PTPRT: variants seen among roughly 807,000 people sequenced by gnomAD.
PTPRT encodes the protein receptor-type tyrosine-protein phosphatase T.
In PTPRT, 56 loss-of-function variants were observed where a neutral mutation model predicts 176.8. That is an observed-to-expected ratio of 0.32 (90% CI 0.26 to 0.40). The LOEUF (loss-of-function observed/expected upper bound fraction) is 0.40. Ranked by LOEUF, PTPRT falls within the 10% of genes least tolerant of loss-of-function variation. The probability of loss-of-function intolerance (pLI) is 1.00; values close to 1 mark genes in which losing one functional copy is unlikely to be tolerated. For missense variants in PTPRT, 1,540 were observed against 1,908.2 expected (o/e 0.81, Z 3.60); for synonymous variants, 783 against 739.0 (o/e 1.06, Z -0.96).
intron 1 of PTPRT, among the ~76,000 whole-genome samples, chr20:42,923,680 T>C (rs1464078738): frequency 1.3e-5 from 2 of 152,176 alleles, no homozygotes; most frequent in East Asian, 1.9e-4. Context: ...AATGAGGATC[T>C]GAAAGAGCCA....
chr20:42,580,669 G>A (rs1016073260), intron 7 of PTPRT, among the ~76,000 whole-genome samples: 15 of 152,218 alleles, frequency 9.9e-5, no homozygotes, highest in African/African-American at 3.4e-4. Flanking sequence ...TGAAGCAATT[G>A]TGAATGGGAA....
intron 16 of PTPRT, among the ~76,000 whole-genome samples, chr20:42,162,283 C>T (rs1385990202): frequency 2.6e-5 from 4 of 152,148 alleles, no homozygotes; most frequent in Admixed American, 6.5e-5. Context: ...CTACTTTCCC[C>T]GGGCCTGGAT....
intron 2 of PTPRT, among the ~76,000 whole-genome samples, chr20:42,821,034 A>T (rs2077883849): frequency 6.6e-6 from 1 of 152,236 alleles, no homozygotes. Context: ...AACAATTGAA[A>T]AGGAGGGACT....
intron 12 of PTPRT, 97 bp downstream of exon 12, chr20:42,315,626 G>C (rs1461848951): frequency 3.5e-6 from 5 of 1,434,810 alleles, no homozygotes; most frequent in Non-Finnish European, 3.8e-6. Flanking sequence ...ACGGGCCTTA[G>C]TTTTTCATCC....
intron 1 of PTPRT, among the ~76,000 whole-genome samples, chr20:43,130,376 T>TAA (rs760621752): frequency 2.0e-5 from 3 of 151,554 alleles, no homozygotes; most frequent in Non-Finnish European, 4.4e-5. Context: ...GGAGCAGAAA[T>TAA]AAAAAGAAGC....
intron 2 of PTPRT, among the ~76,000 whole-genome samples, chr20:42,830,348 A>G (rs1270367401): frequency 6.6e-6 from 1 of 152,240 alleles, no homozygotes; most frequent in Non-Finnish European, 1.5e-5. Flanking sequence ...GACAAAAGCC[A>G]CATGATTATC....
intron 2 of PTPRT, among the ~76,000 whole-genome samples, chr20:42,874,667 A>T (rs2078901281): frequency 1.3e-5 from 2 of 152,250 alleles, no homozygotes; most frequent in East Asian, 3.9e-4. Flanking sequence ...ACTGTAACTC[A>T]CTTTTGAGAG....
At chr20:42,483,073 TGTACA>T (rs1392007925) in intron 7 of PTPRT, among the ~76,000 whole-genome samples, 1 of 152,192 alleles carries the variant, frequency 6.6e-6, no homozygotes, top group African/African-American at 2.4e-5. Context: ...TGGCAAGCTA[TGTACA>T]GTAGTCAGAG....
At chr20:42,106,652 A>AC (rs1986471596) in intron 24 of PTPRT, 134 bp downstream of exon 24, 2 of 1,212,396 alleles carry the variant, frequency 1.6e-6, no homozygotes, top group African/African-American at 1.5e-5. Flanking sequence ...CCACGTGTCT[A>AC]CTCCCTCCTG....
chr20:43,169,101 T>C (rs966897732), intron 1 of PTPRT, among the ~76,000 whole-genome samples: 2 of 152,322 alleles, frequency 1.3e-5, no homozygotes, highest in South Asian at 4.1e-4. Context: ...TCAGTTCTTG[T>C]GCAGCCTTGG....
chr20:43,188,809 C>A (rs916366240), intron 1 of PTPRT, among the ~76,000 whole-genome samples: 2 of 145,828 alleles, frequency 1.4e-5, no homozygotes, highest in East Asian at 4.1e-4. Flanking sequence ...ATGTGTAAGA[C>A]CCTGGACTGT....
At chr20:42,492,256 AACAGG>A (rs1441185020) in intron 7 of PTPRT, among the ~76,000 whole-genome samples, 1 of 152,214 alleles carries the variant, frequency 6.6e-6, no homozygotes, top group Non-Finnish European at 1.5e-5. Context: ...TTATAAAATA[AACAGG>A]CAAAGTACCT....
chr20:42,851,831 A>G (rs1437203778), intron 2 of PTPRT, among the ~76,000 whole-genome samples: 1 of 152,206 alleles, frequency 6.6e-6, no homozygotes, highest in Non-Finnish European at 1.5e-5. Flanking sequence ...TGGCCTGTAC[A>G]CCATAGTTTG....
intron 7 of PTPRT, among the ~76,000 whole-genome samples, chr20:42,574,612 C>T (rs1244403714): frequency 6.6e-6 from 1 of 152,084 alleles, no homozygotes; most frequent in Non-Finnish European, 1.5e-5. Flanking sequence ...AGGTGCTACT[C>T]AGCCCACTGG....
chr20:42,316,326 A>G (rs2057721300), intron 11 of PTPRT, among the ~76,000 whole-genome samples: 1 of 152,180 alleles, frequency 6.6e-6, no homozygotes, highest in Admixed American at 6.5e-5. Flanking sequence ...TCTAGGGCTC[A>G]TCCTCAGTTC....
intron 1 of PTPRT, among the ~76,000 whole-genome samples, chr20:43,176,843 G>C (rs1358573617): frequency 6.6e-6 from 1 of 152,120 alleles, no homozygotes; most frequent in African/African-American, 2.4e-5. Context: ...TGATATAGAA[G>C]GGAAGCTGCA....
At chr20:42,144,334 C>T (rs1988767456) in intron 17 of PTPRT, among the ~76,000 whole-genome samples, 2 of 152,050 alleles carry the variant, frequency 1.3e-5, no homozygotes, top group South Asian at 4.2e-4. Flanking sequence ...ATACTGCACA[C>T]TTTTTTAAAA....
At chr20:42,197,971 G>A (rs6130076) in intron 16 of PTPRT, among the ~76,000 whole-genome samples, 46,970 of 152,078 alleles carry the variant, frequency 0.31, 8,247 homozygotes, top group East Asian at 0.38. Context: ...GTGCCTATGA[G>A]AACTCTCTGA....
chr20:42,962,109 G>A (rs780938033), intron 1 of PTPRT, among the ~76,000 whole-genome samples: 4 of 152,208 alleles, frequency 2.6e-5, no homozygotes, highest in Admixed American at 6.5e-5. Flanking sequence ...CACTAAATTT[G>A]TGTTAACTTG....
Sources: allele counts gnomAD v4.1 joint callset (sites outside exome capture counted in the v4.1 genomes callset), GRCh38; gene constraint gnomAD v4.1.1; transcripts MANE v1.5; gene names NCBI Gene and HGNC (gene_info 2026-07-23, HGNC 2026-07-21).